Variants in NRG3 observed in about 807,000 individuals in gnomAD.
The protein encoded by NRG3 is neuregulin 3.
Under a neutral mutation model 66.9 loss-of-function variants are expected in NRG3, and 31 were observed. The observed-to-expected ratio is 0.46, with a 90% CI of 0.35 to 0.63. The LOEUF (loss-of-function observed/expected upper bound fraction) is 0.63. Among genes scored for constraint, NRG3 ranks in the 20% least tolerant of loss-of-function variants. The probability of loss-of-function intolerance (pLI) is 0.00; values close to 1 mark genes in which losing one functional copy is unlikely to be tolerated. For missense variants in NRG3, 910 were observed against 878.9 expected (o/e 1.04, Z -0.45); for synonymous variants, 393 against 359.4 (o/e 1.09, Z -1.06).
chr10:82,636,439 T>C, intron 2 of NRG3, among the ~76,000 whole-genome samples: 1 of 152,154 alleles, frequency 6.6e-6, no homozygotes. Context: ...AAGCCTGGAA[T>C]GTCTTTTTGT....
intron 1 of NRG3, among the ~76,000 whole-genome samples, chr10:81,905,812 C>T (rs1434322406): frequency 6.6e-6 from 1 of 152,166 alleles, no homozygotes; most frequent in Non-Finnish European, 1.5e-5. Flanking sequence ...TTCTGCTCTA[C>T]CCTGGTATTG....
At position 82,133,351 on chromosome 10, in the gene NRG3, A is replaced by G. The variant is rs867435447; in HGVS notation, c.824-225388A>G. Among the ~76,000 whole-genome samples the G allele has an allele frequency of 2.6e-5, 4 of 152,102 alleles. No homozygotes were observed. The South Asian group carries it at 8.3e-4, about 31-fold the overall frequency. On this transcript the variant is annotated intron_variant, in intron 1 of 8. Coordinates refer to ENST00000372141, the MANE Select transcript of NRG3 (RefSeq NM_001010848.4). ...CAGGGGTTGTTTTACAGATTATTTC[A>G]TCACCCAGGAATTAAGTCCCATACC...
intron 1 of NRG3, among the ~76,000 whole-genome samples, chr10:81,980,470 T>A (rs1292301494): frequency 6.6e-6 from 1 of 152,170 alleles, no homozygotes; most frequent in African/African-American, 2.4e-5. Context: ...TACCAACTAC[T>A]TCCAACATTA....
intron 2 of NRG3, among the ~76,000 whole-genome samples, chr10:82,416,881 C>G (rs1590054362): frequency 6.6e-6 from 1 of 152,094 alleles, no homozygotes; most frequent in Non-Finnish European, 1.5e-5. Flanking sequence ...TTAGATTTCT[C>G]ATGTCTAGTA....
chr10:82,359,959 A>G (rs1171200649), intron 2 of NRG3, among the ~76,000 whole-genome samples: 1 of 152,134 alleles, frequency 6.6e-6, no homozygotes, highest in East Asian at 1.9e-4. Context: ...GTATTGCCAC[A>G]CTGAGCAATG....
intron 1 of NRG3, among the ~76,000 whole-genome samples, chr10:82,089,781 T>A (rs1452727482): frequency 6.6e-6 from 1 of 152,182 alleles, no homozygotes; most frequent in Non-Finnish European, 1.5e-5. Flanking sequence ...TGTGTAGATT[T>A]AAACATTTCA....
intron 1 of NRG3, among the ~76,000 whole-genome samples, chr10:82,162,575 T>C (rs1408838225): frequency 6.6e-6 from 1 of 152,176 alleles, no homozygotes; most frequent in Non-Finnish European, 1.5e-5. Context: ...GAGAAGTCAC[T>C]AAGTTATTGG....
chr10:82,331,108 A>T (rs899787589), intron 1 of NRG3, among the ~76,000 whole-genome samples: 1 of 152,156 alleles, frequency 6.6e-6, no homozygotes, highest in Non-Finnish European at 1.5e-5. Context: ...CTCTGCCTGC[A>T]TGTAGACCTG....
intron 1 of NRG3, among the ~76,000 whole-genome samples, chr10:82,173,667 A>G (rs1271608586): frequency 8.2e-6 from 1 of 122,648 alleles, no homozygotes; most frequent in Non-Finnish European, 1.6e-5. Context: ...AGATGTATGC[A>G]TATGTGAACA....
intron 4 of NRG3, among the ~76,000 whole-genome samples, chr10:82,931,223 A>C (rs1847547231): frequency 6.6e-6 from 1 of 152,202 alleles, no homozygotes; most frequent in Non-Finnish European, 1.5e-5. Flanking sequence ...TTACTCCATC[A>C]GCAGGAATAG....
At chr10:82,775,184 G>A (rs1010471828) in intron 3 of NRG3, among the ~76,000 whole-genome samples, 4 of 150,258 alleles carry the variant, frequency 2.7e-5, no homozygotes, top group Non-Finnish European at 4.4e-5. Flanking sequence ...CTGGTTCCTA[G>A]AGGCATAATA....
At chr10:82,452,269 T>G (rs1482462129) in intron 2 of NRG3, among the ~76,000 whole-genome samples, 2 of 152,216 alleles carry the variant, frequency 1.3e-5, no homozygotes, top group Admixed American at 6.5e-5. Flanking sequence ...AGTCAGACTG[T>G]CCATCCAGAA....
At chr10:82,398,566 C>T (rs548412759) in intron 2 of NRG3, among the ~76,000 whole-genome samples, 30 of 149,152 alleles carry the variant, frequency 2.0e-4, no homozygotes, top group Admixed American at 4.7e-4. Context: ...TGCCTGGCAA[C>T]GGTGAAATCA....
chr10:82,659,218 A>G (rs1352070858), intron 2 of NRG3, among the ~76,000 whole-genome samples: 3 of 152,236 alleles, frequency 2.0e-5, no homozygotes, highest in African/African-American at 7.2e-5. Flanking sequence ...CCTTGTCTAG[A>G]TATTTTCTTC....
At position 82,835,051 on chromosome 10, in the gene NRG3, T is replaced by C. The variant is rs189484194; in HGVS notation, c.1028-30360T>C. Among the ~76,000 whole-genome samples the C allele has an allele frequency of 1.2e-4, 18 of 152,356 alleles. No homozygotes were observed. The East Asian group carries it at 2.9e-3, about 24-fold the overall frequency. On this transcript the variant is annotated intron_variant, in intron 3 of 8. Transcript: ENST00000372141. ...AGGCTGGCACCTTTTCTCAAGAAGC[T>C]ATCTTGACCTGAAACTTACATTCTT...
At chr10:82,967,878 T>C (rs996224550) in intron 6 of NRG3, among the ~76,000 whole-genome samples, 3 of 152,238 alleles carry the variant, frequency 2.0e-5, no homozygotes, top group African/African-American at 7.2e-5. Flanking sequence ...GCATTCTGCC[T>C]AAGACTACAG....
At chr10:82,718,898 A>C (rs1306459613) in intron 2 of NRG3, among the ~76,000 whole-genome samples, 1 of 152,142 alleles carries the variant, frequency 6.6e-6, no homozygotes, top group Non-Finnish European at 1.5e-5. Context: ...TGTAGTGCAA[A>C]TTTTTTTAGA....
chr10:82,960,457 G>A (rs959416529), intron 6 of NRG3, among the ~76,000 whole-genome samples: 4 of 142,034 alleles, frequency 2.8e-5, no homozygotes, highest in African/African-American at 1.1e-4. Context: ...GTACGGAAAT[G>A]GCTGGATTTT....
chr10:82,328,478 T>A (rs1331265689), intron 1 of NRG3, among the ~76,000 whole-genome samples: 1 of 152,210 alleles, frequency 6.6e-6, no homozygotes, highest in Non-Finnish European at 1.5e-5. Context: ...AGCATAGCCA[T>A]CATAATTCAT....
Sources: allele counts gnomAD v4.1 joint callset (sites outside exome capture counted in the v4.1 genomes callset), GRCh38; gene constraint gnomAD v4.1.1; transcripts MANE v1.5; gene names NCBI Gene and HGNC (gene_info 2026-07-23, HGNC 2026-07-21).